The following NRDC variants were observed in gnomAD, a reference collection of about 807,000 sequenced individuals.
NRDC encodes nardilysin convertase.
NRDC carries 54 observed loss-of-function variants against 147.1 expected under a neutral mutation model. That is an observed-to-expected ratio of 0.37 (90% CI 0.29 to 0.46). NRDC has a LOEUF of 0.46. NRDC is among the 20% of genes least tolerant of loss of function. The probability of loss-of-function intolerance (pLI) is 1.00; values close to 1 mark genes in which losing one functional copy is unlikely to be tolerated. For synonymous variants in NRDC, 440 were observed against 482.1 expected, an observed-to-expected ratio of 0.91 and a Z score of 1.14; for missense variants, 1,082 against 1,370.6, an observed-to-expected ratio of 0.79 and a Z score of 3.33.
intron 20 of NRDC, 28 bp downstream of exon 20, chr1:51,803,786 A>G (rs374488540): frequency 2.5e-6 from 4 of 1,589,282 alleles, no homozygotes; most frequent in Admixed American, 1.7e-5. Context: ...AATGCTCTCT[A>G]TAAGGAAAAC....
chr1:51,842,894 C>G (rs985719205), intron 1 of NRDC, among the ~76,000 whole-genome samples: 1 of 151,544 alleles, frequency 6.6e-6, no homozygotes, highest in Admixed American at 6.6e-5. Context: ...GGCAAAACCC[C>G]ATCTCTACAA....
chr1:51,842,944 G>C (rs1402862045), intron 1 of NRDC, among the ~76,000 whole-genome samples: 1 of 151,598 alleles, frequency 6.6e-6, no homozygotes, highest in Non-Finnish European at 1.5e-5. Flanking sequence ...TGTATCTATG[G>C]TCCCAGCTAC....
At chr1:51,860,930 A>G (rs1254294902) in intron 1 of NRDC, among the ~76,000 whole-genome samples, 1 of 151,408 alleles carries the variant, frequency 6.6e-6, no homozygotes, top group Non-Finnish European at 1.5e-5. Context: ...ATGCACAAAG[A>G]TGTTCCAAGT....
intron 7 of NRDC, among the ~76,000 whole-genome samples, chr1:51,822,276 T>G (rs937799517): frequency 6.6e-6 from 1 of 152,198 alleles, no homozygotes; most frequent in Non-Finnish European, 1.5e-5. Flanking sequence ...GGATTCAGAC[T>G]AATCATTTCT....
chr1:51,868,767 G>C (rs1162245330), intron 1 of NRDC, among the ~76,000 whole-genome samples: 1 of 152,110 alleles, frequency 6.6e-6, no homozygotes, highest in African/African-American at 2.4e-5. Context: ...AGCTACTCAA[G>C]GAGGCTGAAG....
intron 1 of NRDC, among the ~76,000 whole-genome samples, chr1:51,864,855 G>A (rs1441588261): frequency 6.6e-6 from 1 of 151,760 alleles, no homozygotes; most frequent in Non-Finnish European, 1.5e-5. Context: ...AGGAGGCTGA[G>A]GTGGGAGTCG....
chr1:51,805,509 C>T lies in NRDC; in HGVS notation c.2162+1G>A. 6.3e-7 allele frequency: 1 copy of T among 1,576,648 alleles called. No individual in the cohort carries two copies. The highest frequency in any genetic ancestry group is 8.6e-7 in the Non-Finnish European group (1 of 1,166,468). ...TTCCAGAAAAAAAGACAATTGCTTA[C>T]TTTGCTGCAGATTTCTGTATCAACG... On this transcript the variant is annotated splice_donor_variant, in intron 19 of 30. Transcript: ENST00000352171. LOFTEE classifies it high-confidence loss of function.
intron 1 of NRDC, among the ~76,000 whole-genome samples, chr1:51,865,365 C>T (rs1002049850): frequency 1.3e-5 from 2 of 151,182 alleles, no homozygotes; most frequent in Non-Finnish European, 2.9e-5. Flanking sequence ...AGTGCAATGG[C>T]GTGATCATGG....
chr1:51,859,093 C>T (rs1274135259), intron 1 of NRDC, among the ~76,000 whole-genome samples: 2 of 152,114 alleles, frequency 1.3e-5, no homozygotes, highest in African/African-American at 4.8e-5. Flanking sequence ...TAAGAGTTGT[C>T]CCATTAGAAA....
chr1:51,847,196 T>C (rs1200837225), intron 1 of NRDC, among the ~76,000 whole-genome samples: 1 of 152,148 alleles, frequency 6.6e-6, no homozygotes, highest in African/African-American at 2.4e-5. Context: ...AGGGTGCTGA[T>C]TGGTGTGTTC....
intron 1 of NRDC, among the ~76,000 whole-genome samples, chr1:51,846,012 G>C (rs768517903): frequency 3.3e-5 from 5 of 151,790 alleles, no homozygotes; most frequent in African/African-American, 1.2e-4. Context: ...TGCATATAAA[G>C]TTACAACAAC....
At position 51,840,403 on chromosome 1, in the gene NRDC, T is replaced by C. The variant is rs78724482; in HGVS notation, c.453A>G (p.Glu151=). ...AATCTTCATCATCATCTTCTTCTTC[T>C]TCCTCCACCTCCTCTTCTTCTTCAT... ...TDDEEEEEVE[E]EEEDDDEDSG... The change falls in exon 2 of 31, where the codon GAA becomes GAG. Residue 151 remains glutamate, a synonymous_variant. Transcript: ENST00000352171. 4.7e-6 allele frequency: 6 copies of C among 1,273,340 alleles called. No homozygotes were observed. The highest frequency in any genetic ancestry group is 6.8e-6 in the Non-Finnish European group (6 of 884,714). 78.9% of individuals were successfully genotyped at this position (1,273,340 alleles called of 1,614,324 possible). A position where few individuals can be genotyped will look rare whatever the true frequency, so the allele number is the denominator to read the frequency against.
intron 1 of NRDC, among the ~76,000 whole-genome samples, chr1:51,844,449 G>T (rs566454757): frequency 6.6e-6 from 1 of 152,064 alleles, no homozygotes; most frequent in South Asian, 2.1e-4. Flanking sequence ...CATGTGAGGA[G>T]ATACCAAGGA....
At position 51,801,856 on chromosome 1, in the gene NRDC, C is replaced by T. The variant is rs369727755; in HGVS notation, c.2314-1173G>A. Among the ~76,000 whole-genome samples the T allele has an allele frequency of 2.6e-5, 4 of 152,062 alleles. No individual in the cohort carries two copies. The South Asian group carries it at 6.2e-4, about 24-fold the overall frequency. On this transcript the variant is annotated intron_variant, in intron 20 of 30. Transcript: ENST00000352171. Reference sequence around the variant, plus strand: ...AGGCTGGAATGCAGTGGCGCGATCTCGGCTCACTTCAAGCTCCGCCTCCCA... The same window carrying T: ...AGGCTGGAATGCAGTGGCGCGATCTTGGCTCACTTCAAGCTCCGCCTCCCA...
intron 1 of NRDC, among the ~76,000 whole-genome samples, chr1:51,872,363 G>A (rs1490666978): frequency 6.6e-6 from 1 of 152,046 alleles, no homozygotes; most frequent in Non-Finnish European, 1.5e-5. Flanking sequence ...ACTTCAGTTA[G>A]AAACAATATA....
chr1:51,821,082 T>C (rs185637365), intron 8 of NRDC, among the ~76,000 whole-genome samples: 1 of 152,216 alleles, frequency 6.6e-6, no homozygotes. Context: ...ATTACTTCTT[T>C]TATGGGGAAA....
intron 2 of NRDC, chr1:51,837,353 C>G: frequency 1.3e-6 from 1 of 793,838 alleles, no homozygotes; most frequent in East Asian, 3.0e-5. Flanking sequence ...TCAGAAGAAC[C>G]AAACAGCCTC....
intron 14 of NRDC, among the ~76,000 whole-genome samples, chr1:51,812,735 G>A (rs1679784774): frequency 6.6e-6 from 1 of 152,080 alleles, no homozygotes; most frequent in South Asian, 2.1e-4. Context: ...ATAAAGACAG[G>A]CAACCTATCA....
At chr1:51,808,277 C>T (rs1372806042) in intron 17 of NRDC, among the ~76,000 whole-genome samples, 2 of 152,208 alleles carry the variant, frequency 1.3e-5, no homozygotes, top group African/African-American at 4.8e-5. Flanking sequence ...AAACCCCCTA[C>T]TCCTTAAGAG....
Sources: allele counts gnomAD v4.1 joint callset (sites outside exome capture counted in the v4.1 genomes callset), GRCh38; gene constraint gnomAD v4.1.1; transcripts MANE v1.5; gene names NCBI Gene and HGNC (gene_info 2026-07-23, HGNC 2026-07-21).